Variants in ATXN2 observed in about 807,000 individuals in gnomAD.
ATXN2 encodes the protein ataxin-2.
Under a neutral mutation model 138.6 loss-of-function variants are expected in ATXN2, and 37 were observed. The observed-to-expected ratio is 0.27, with a 90% CI of 0.21 to 0.35. The LOEUF is 0.35. Among genes scored for constraint, ATXN2 ranks in the 10% least tolerant of loss-of-function variants. The probability of loss-of-function intolerance (pLI) is 1.00; values close to 1 mark genes in which losing one functional copy is unlikely to be tolerated. For missense variants in ATXN2, 1,216 were observed against 1,480.3 expected (o/e 0.82, Z 2.93); for synonymous variants, 549 against 543.7 (o/e 1.01, Z -0.13).
intron 1 of ATXN2, among the ~76,000 whole-genome samples, chr12:111,556,777 T>C (rs868257681): frequency 6.6e-5 from 10 of 150,510 alleles, no homozygotes; most frequent in Admixed American, 4.0e-4. Flanking sequence ...GACCGCCCCA[T>C]TGTACTCCAG....
At chr12:111,554,007 A>G in intron 3 of ATXN2, 151 bp downstream of exon 3, 1 of 593,470 alleles carries the variant, frequency 1.7e-6, no homozygotes, top group Non-Finnish European at 2.9e-6. Context: ...TAGACTGGAT[A>G]AAAGGAGTTC....
chr12:111,599,178 T>G lies in ATXN2; in HGVS notation c.-144A>C, dbSNP rs2135864388. The stretch of plus-strand genomic sequence containing the variant: ...GGCGCGGCCGGAGGGGCGCCCGGGC[T>G]GGCGAGGGGGAGAAGGAGGACGACG... On this transcript the variant is annotated 5_prime_UTR_variant, in exon 1 of 25. Coordinates refer to ENST00000673436, the MANE Select transcript of ATXN2 (RefSeq NM_001372574.1). The G allele has an allele frequency of 9.2e-6, 11 of 1,201,710 alleles. No homozygotes were observed. The highest frequency in any genetic ancestry group is 1.1e-5 in the Non-Finnish European group (11 of 970,466). The allele number at this position is 1,201,710 out of a possible 1,614,324, so 74.4% of individuals were successfully genotyped here. A position where few individuals can be genotyped will look rare whatever the true frequency, so the allele number is the denominator to read the frequency against.
At chr12:111,549,801 C>T (rs544707144) in intron 5 of ATXN2, among the ~76,000 whole-genome samples, 7 of 152,052 alleles carry the variant, frequency 4.6e-5, no homozygotes, top group Non-Finnish European at 1.0e-4. Context: ...TGGTGGCTCA[C>T]GCCTATAATC....
intron 11 of ATXN2, 124 bp from the exon 12 acceptor site, chr12:111,510,706 C>T (rs1879456754): frequency 2.4e-6 from 2 of 831,046 alleles, no homozygotes; most frequent in South Asian, 2.6e-5. Flanking sequence ...TACCCTTTAT[C>T]CCATTACTGT....
rs181824407 is a variant in ATXN2 at position 111,575,056 on chromosome 12, G to A, written c.252-19137C>T. Among the ~76,000 whole-genome samples the A allele has an allele frequency of 2.2e-3, 341 of 152,258 alleles. 1 individual carries two copies. The highest frequency in any genetic ancestry group is 7.5e-3 in the African/African-American group (310 of 41,544). On this transcript the variant is annotated intron_variant, in intron 1 of 24. Transcript: ENST00000673436. ...CCTGGGAGAATAAACTCACGGTAGC[G>A]TCCGGTTCACTCAATCCTGTTTCCC...
chr12:111,464,540 T>C (rs1056794916), intron 21 of ATXN2, 122 bp downstream of exon 21: 3 of 632,354 alleles, frequency 4.7e-6, no homozygotes, highest in Non-Finnish European at 7.9e-6. Context: ...TATATATAAG[T>C]ACTTTCAATA....
chr12:111,455,275 T>C (rs1593089970), intron 23 of ATXN2: 2 of 618,496 alleles, frequency 3.2e-6, no homozygotes, highest in East Asian at 2.9e-5. Flanking sequence ...CCAACTTCAG[T>C]GCAGCTCCTT....
At chr12:111,555,842 G>C in intron 2 of ATXN2, 41 bp downstream of exon 2, 1 of 1,528,638 alleles carries the variant, frequency 6.5e-7, no homozygotes, top group Non-Finnish European at 8.9e-7. Flanking sequence ...TCATGTTTTA[G>C]CTACTAATTT....
chr12:111,544,804 G>A (rs1457168429), intron 5 of ATXN2, among the ~76,000 whole-genome samples: 1 of 152,198 alleles, frequency 6.6e-6, no homozygotes, highest in Non-Finnish European at 1.5e-5. Flanking sequence ...CAAAGGACCT[G>A]GCAGTTAGAG....
rs767937872 is a variant in ATXN2, at chr12:111,485,864, G to A, written c.2306C>T (p.Pro769Leu). The change falls in exon 17 of 25, where the codon CCA (proline) becomes CTA (leucine). Residue 769 changes from proline to leucine, a missense_variant and splice_region_variant. This residue lies in a region of ATXN2 where 490 missense variants were observed against 653.5 expected (regional missense o/e 0.75). Transcript: ENST00000673436. ...KEFNPRSFSQ[P>L]KPSTTPTSPR... ...TGAAGTTGGGGTAGTAGAAGGCTTT[G>A]GCTACAAAAACAACAATAAATTCAA... 7 of 1,613,180 alleles carry A rather than the reference G, an allele frequency of 4.3e-6. No homozygotes were observed. In the Admixed American group the frequency reaches 8.4e-5, roughly 19 times the overall value.
chr12:111,453,100 A>C lies in ATXN2; in HGVS notation c.3440-260T>G. 3 of 1,259,224 alleles carry C rather than the reference A, an allele frequency of 2.4e-6. No homozygotes were observed. 78.0% of individuals were successfully genotyped at this position (1,259,224 alleles called of 1,614,324 possible). On this transcript the variant is annotated intron_variant, in intron 24 of 24. Coordinates refer to ENST00000673436, the MANE Select transcript of ATXN2 (RefSeq NM_001372574.1). This position sits in a 1 kb window ranked among gnomAD's most constrained non-coding sequence, Gnocchi z 5.4. ...TGGGGTAGAAAAAAAGGCCTTAACA[A>C]ACCCCCTCCCCAAATATTAGCCAAG...
rs1885066481 is a variant in ATXN2 at position 111,598,681 on chromosome 12, A to G, written c.251+103T>C. ...CCCCCGCGCTGCCGGCCCCCAGCCC[A>G]CCCCGGGTAGCCCGGCGGGTCACGG... On this transcript the variant is annotated intron_variant, in intron 1 of 24. Coordinates refer to ENST00000673436, the MANE Select transcript of ATXN2 (RefSeq NM_001372574.1). The surrounding 1 kb of genome is among the most constrained non-coding windows in gnomAD (Gnocchi z 4.5). 1 of 784,532 alleles carries G rather than the reference A, an allele frequency of 1.3e-6. No homozygotes were observed. The highest frequency in any genetic ancestry group is 6.1e-5 in the Admixed American group (1 of 16,354). The allele number at this position is 784,532 out of a possible 1,614,324, so 48.6% of individuals were successfully genotyped here.
At chr12:111,498,937 T>C (rs1255006099) in intron 14 of ATXN2, among the ~76,000 whole-genome samples, 1 of 152,012 alleles carries the variant, frequency 6.6e-6, no homozygotes, top group Non-Finnish European at 1.5e-5. Context: ...GCCATGAACA[T>C]ACACTGGGGA....
At chr12:111,561,443 T>C (rs1882683196) in intron 1 of ATXN2, among the ~76,000 whole-genome samples, 1 of 151,996 alleles carries the variant, frequency 6.6e-6, no homozygotes, top group Non-Finnish European at 1.5e-5. Context: ...GAGGCTGCAG[T>C]GAGCCGAGAT....
intron 1 of ATXN2, among the ~76,000 whole-genome samples, chr12:111,573,745 T>C (rs2135817202): frequency 6.6e-6 from 1 of 152,252 alleles, no homozygotes; most frequent in South Asian, 2.1e-4. Context: ...CAAGTAATGC[T>C]CTTGGCACAG....
intron 1 of ATXN2, among the ~76,000 whole-genome samples, chr12:111,556,964 C>A (rs1483237578): frequency 6.6e-6 from 1 of 151,008 alleles, no homozygotes; most frequent in Non-Finnish European, 1.5e-5. Context: ...CCTTTCCTTG[C>A]CAACTCTCTC....
chr12:111,497,375 C>T (rs1446541204), intron 14 of ATXN2, among the ~76,000 whole-genome samples: 1 of 152,126 alleles, frequency 6.6e-6, no homozygotes, highest in African/African-American at 2.4e-5. Flanking sequence ...TAAACTCATT[C>T]TACAAGGCCA....
intron 1 of ATXN2, among the ~76,000 whole-genome samples, chr12:111,595,597 G>GT (rs1884896580): frequency 6.8e-6 from 1 of 148,064 alleles, no homozygotes; most frequent in African/African-American, 2.5e-5. Context: ...AGCTGAGATC[G>GT]TACCACTGCA....
intron 18 of ATXN2, among the ~76,000 whole-genome samples, chr12:111,479,945 G>A (rs1253649309): frequency 4.3e-5 from 6 of 140,644 alleles, no homozygotes; most frequent in African/African-American, 8.0e-5. Flanking sequence ...TCAAGAGTTC[G>A]AGACCAACCT....
Sources: gnomAD v4.1 joint callset for allele counts (sites outside exome capture counted in the v4.1 genomes callset) on GRCh38, gnomAD v4.1.1 for gene constraint, gnomAD v4.1.1 regional missense constraint, Gnocchi (gnomAD v3.1) non-coding constraint, MANE v1.5 for transcripts, NCBI Gene and HGNC (gene_info 2026-07-23, HGNC 2026-07-21) for gene names.